The following GSN variants were observed in gnomAD, a reference collection of about 807,000 sequenced individuals.
The protein encoded by GSN is gelsolin.
Under a neutral mutation model 85.7 loss-of-function variants are expected in GSN, and 56 were observed. The observed-to-expected ratio is 0.65, with a 90% confidence interval of 0.53 to 0.82. The LOEUF (loss-of-function observed/expected upper bound fraction) is 0.82. GSN is among the 40% of genes least tolerant of loss of function. GSN has a pLI of 0.00. For missense variants in GSN, 857 were observed against 979.8 expected, an observed-to-expected ratio of 0.87 and a Z score of 1.67; for synonymous variants, 373 against 399.1, an observed-to-expected ratio of 0.93 and a Z score of 0.78.
intron 2 of GSN, among the ~76,000 whole-genome samples, chr9:121,291,523 A>G (rs530096753): frequency 6.8e-6 from 1 of 147,158 alleles, no homozygotes; most frequent in South Asian, 2.1e-4. Flanking sequence ...GGTTCAAGCC[A>G]TTCTCCTGTC....
chr9:121,316,716 C>T (rs1465912271), intron 7 of GSN, among the ~76,000 whole-genome samples: 1 of 152,210 alleles, frequency 6.6e-6, no homozygotes, highest in African/African-American at 2.4e-5. Flanking sequence ...AGCCATCCAC[C>T]CACCTGGGCC....
At chr9:121,274,092 G>A (rs992440616) in intron 1 of GSN, among the ~76,000 whole-genome samples, 1 of 152,140 alleles carries the variant, frequency 6.6e-6, no homozygotes, top group Non-Finnish European at 1.5e-5. Flanking sequence ...TAATTAAGCA[G>A]CAAAGTATTT....
In GSN at chr9:121,302,174, C is replaced by T. The variant is rs146379508; in HGVS notation, c.196+7C>T. On this transcript the variant is annotated splice_region_variant and intron_variant, in intron 3 of 17. Transcript: ENST00000432226. ...GACCTCCACTACTGGCTGGGTGAGG[C>T]TGGCCCTGCCCAGCCCCTGCCCCAG... is the stretch of plus-strand genomic sequence containing the variant. The T allele has an allele frequency of 7.7e-4, 1,243 of 1,613,226 alleles. 6 individuals carry two copies. The African/African-American group carries it at 0.014, about 19-fold the overall frequency.
intron 14 of GSN, 58 bp downstream of exon 14, chr9:121,327,540 T>C: frequency 7.1e-7 from 1 of 1,399,284 alleles, no homozygotes; most frequent in Non-Finnish European, 9.7e-7. Context: ...AGTTTCCCCC[T>C]TCTTTCCTTC....
intron 4 of GSN, among the ~76,000 whole-genome samples, chr9:121,221,080 G>A (rs1010533173): frequency 6.6e-6 from 1 of 152,216 alleles, no homozygotes; most frequent in South Asian, 2.1e-4. Context: ...TCTCTTCAGC[G>A]CCGAGGGGCC....
rs565848944 is a variant in GSN, at chr9:121,332,213, G to T, written c.2027-221G>T. Among the ~76,000 whole-genome samples, 57 of 152,330 alleles carry T rather than the reference G, an allele frequency of 3.7e-4. 2 individuals carry two copies. In the South Asian group the frequency reaches 0.012, roughly 31 times the overall value. On this transcript the variant is annotated intron_variant, in intron 17 of 17. Transcript: ENST00000432226. This position sits in a 1 kb window ranked among gnomAD's most constrained non-coding sequence, Gnocchi z 4.8. Reference sequence around the variant, plus strand: ...GCTTTATGAAGCAGGAGATTAAGCCGTAGCCCTGTTCCTTCCTGTGTTCCT... The same window carrying T: ...GCTTTATGAAGCAGGAGATTAAGCCTTAGCCCTGTTCCTTCCTGTGTTCCT...
chr9:121,201,929 A>AG, the GSN span: 1 of 153,214 alleles, frequency 6.5e-6, no homozygotes, highest in African/African-American at 2.4e-5. Flanking sequence ...CCACAAAAGA[A>AG]GGGGGAGAAG....
At chr9:121,258,703 G>A (rs1404999056) in intron 6 of GSN, among the ~76,000 whole-genome samples, 1 of 151,706 alleles carries the variant, frequency 6.6e-6, no homozygotes, top group African/African-American at 2.4e-5. Context: ...TTAAAGGTTA[G>A]CCTTGACCAA....
At chr9:121,239,008 C>T in intron 5 of GSN, 1 of 510,140 alleles carries the variant, frequency 2.0e-6, no homozygotes. Context: ...GTGTAGCTGT[C>T]TGTCCACATA....
At chr9:121,330,823 C>T (rs972598099) in intron 16 of GSN, among the ~76,000 whole-genome samples, 2 of 152,022 alleles carry the variant, frequency 1.3e-5, no homozygotes, top group Non-Finnish European at 2.9e-5. Context: ...AGTAGACTCT[C>T]GGTGCATATT....
At chr9:121,313,551 C>T (rs1054740318) in intron 6 of GSN, 3 of 314,674 alleles carry the variant, frequency 9.5e-6, no homozygotes, top group Non-Finnish European at 1.9e-5. Context: ...GATTCCTCTT[C>T]TGTAAAATGA....
intron 1 of GSN, among the ~76,000 whole-genome samples, chr9:121,208,391 A>G (rs2053918089): frequency 6.6e-6 from 1 of 152,188 alleles, no homozygotes. Context: ...ATGGGTTCAG[A>G]TGCTGCAAAC....
In GSN at chr9:121,332,124, G is replaced by A. The variant is rs1015981825; in HGVS notation, c.2027-310G>A. Among the ~76,000 whole-genome samples the A allele has an allele frequency of 2.0e-5, 3 of 152,110 alleles. No individual in the cohort carries two copies. The highest frequency in any genetic ancestry group is 6.5e-5 in the Admixed American group (1 of 15,274). On this transcript the variant is annotated intron_variant, in intron 17 of 17. Coordinates refer to ENST00000432226, the MANE Select transcript of GSN (RefSeq NM_198252.3). This position sits in a 1 kb window ranked among gnomAD's most constrained non-coding sequence, Gnocchi z 4.8. Reference sequence around the variant, plus strand: ...TGGCAGCTGAATAGATCTGATTTGTGAGCTGGGAACCCAAAAGTTGGTTCC... The same window carrying A: ...TGGCAGCTGAATAGATCTGATTTGTAAGCTGGGAACCCAAAAGTTGGTTCC...
chr9:121,248,241 T>C (rs4837821), intron 5 of GSN: 57,501 of 151,934 alleles, frequency 0.38, 13,553 homozygotes, highest in East Asian at 0.62. Flanking sequence ...AGTGCAATGA[T>C]GCAATCTCGG....
At chr9:121,201,807 T>C in the GSN span, 6 of 152,356 alleles carry the variant, frequency 3.9e-5, no homozygotes, top group Admixed American at 6.5e-5. Flanking sequence ...GTAGCGGCAG[T>C]AGCAGTGGCA....
chr9:121,249,602 T>G (rs1428998258), intron 6 of GSN, among the ~76,000 whole-genome samples: 1 of 152,244 alleles, frequency 6.6e-6, no homozygotes, highest in African/African-American at 2.4e-5. Context: ...TATCTATTCT[T>G]TCTCTCTGAT....
rs965679468 is a variant in GSN, at chr9:121,319,023, C to T, written c.1191+143C>T. 6 of 722,494 alleles carry T rather than the reference C, an allele frequency of 8.3e-6. No homozygotes were observed. The African/African-American group carries it at 1.0e-4, about 13-fold the overall frequency. The allele number at this position is 722,494 out of a possible 1,614,324, so 44.8% of individuals were successfully genotyped here. ...ATTCTTTGGTGTTACTTAGTTTTTA[C>T]AGCCAATGCACCCTGTGTATCAGGC... On this transcript the variant is annotated intron_variant, in intron 10 of 17. Transcript: ENST00000432226.
rs2058028508 is a variant in GSN, at chr9:121,286,051, A to G, written c.-10+4489A>G. The G allele has an allele frequency of 1.2e-5, 18 of 1,456,824 alleles. No individual in the cohort carries two copies. The South Asian group carries it at 1.5e-4, about 12-fold the overall frequency. The allele number at this position is 1,456,824 out of a possible 1,614,324, so 90.2% of individuals were successfully genotyped here. On this transcript the variant is annotated intron_variant, in intron 2 of 17. Transcript: ENST00000432226. ...CCTGCGGAGTTGGCTTGGCACAGCT[A>G]TTTCCAGACTAATCCTGAGTCCTAT...
chr9:121,301,963 C>T lies in GSN; in HGVS notation c.-9C>T, dbSNP rs1429627213. On this transcript the variant is annotated splice_region_variant and 5_prime_UTR_variant, in exon 3 of 18. Coordinates refer to ENST00000432226, the MANE Select transcript of GSN (RefSeq NM_198252.3). ...TAGGCTCTGCCCTGTCTCATCCCAGCCCAACAGCATGGTGGTGGAACACCC... is the reference window on the plus strand; with the variant it reads ...TAGGCTCTGCCCTGTCTCATCCCAGTCCAACAGCATGGTGGTGGAACACCC... 1 of 1,614,154 alleles carries T rather than the reference C, an allele frequency of 6.2e-7. No individual in the cohort carries two copies. Among genetic ancestry groups the T allele is most frequent in the South Asian group, 1.1e-5 (1 of 91,088 alleles).
Sources: gnomAD v4.1 joint callset for allele counts (sites outside exome capture counted in the v4.1 genomes callset) on GRCh38, gnomAD v4.1.1 for gene constraint, Gnocchi (gnomAD v3.1) non-coding constraint, MANE v1.5 for transcripts, NCBI Gene and HGNC (gene_info 2026-07-23, HGNC 2026-07-21) for gene names.